The following MAPK8 variants were observed in gnomAD, a reference collection of about 807,000 sequenced individuals.
MAPK8 encodes JUN N-terminal kinase.
MAPK8 carries 13 observed loss-of-function variants against 52.9 expected under a neutral mutation model. That is an observed-to-expected ratio of 0.25 (90% CI 0.16 to 0.39). The LOEUF is 0.39. MAPK8 is among the 10% of genes least tolerant of loss of function. MAPK8 has a pLI of 1.00. For synonymous variants in MAPK8, 191 were observed against 169.8 expected, an observed-to-expected ratio of 1.12 and a Z score of -0.97; for missense variants, 300 against 519.2, an observed-to-expected ratio of 0.58 and a Z score of 4.10.
intron 2 of MAPK8, among the ~76,000 whole-genome samples, chr10:48,404,378 G>A (rs1006261517): frequency 2.6e-5 from 4 of 151,354 alleles, no homozygotes; most frequent in African/African-American, 4.9e-5. Context: ...GGATGGTCTC[G>A]ATCTCCTGAC....
intron 1 of MAPK8, among the ~76,000 whole-genome samples, chr10:48,355,684 AAG>A (rs1846842258): frequency 6.6e-6 from 1 of 152,182 alleles, no homozygotes; most frequent in Non-Finnish European, 1.5e-5. Context: ...GGTTTTCTGT[AAG>A]AGAGAATGGT....
At chr10:48,320,577 C>T (rs536911831) in intron 1 of MAPK8, among the ~76,000 whole-genome samples, 4 of 152,036 alleles carry the variant, frequency 2.6e-5, no homozygotes, top group Non-Finnish European at 4.4e-5. Flanking sequence ...TTTGGTTGTA[C>T]GATATGCCAC....
intron 1 of MAPK8, among the ~76,000 whole-genome samples, chr10:48,385,416 A>G (rs1197911056): frequency 6.6e-6 from 1 of 152,172 alleles, no homozygotes; most frequent in Admixed American, 6.5e-5. Flanking sequence ...TGTTATGTTT[A>G]AATTGCCTTC....
At chr10:48,333,917 C>T (rs1844403138) in intron 1 of MAPK8, among the ~76,000 whole-genome samples, 2 of 150,360 alleles carry the variant, frequency 1.3e-5, no homozygotes, top group Admixed American at 6.6e-5. Flanking sequence ...TGTGCAGGCT[C>T]CAAAGCAGTG....
chr10:48,425,264 T>C (rs1199422309), intron 7 of MAPK8: 4 of 721,548 alleles, frequency 5.5e-6, no homozygotes, highest in Non-Finnish European at 1.0e-5. Flanking sequence ...GTGTAAAGAC[T>C]AGAGGAAAGG....
intron 1 of MAPK8, among the ~76,000 whole-genome samples, chr10:48,397,592 TC>T (rs1160199210): frequency 6.6e-6 from 1 of 152,122 alleles, no homozygotes; most frequent in African/African-American, 2.4e-5. Flanking sequence ...AGTTCAGTAT[TC>T]TTTTTTTCTT....
chr10:48,357,582 G>C (rs1207249182), intron 1 of MAPK8, among the ~76,000 whole-genome samples: 1 of 152,022 alleles, frequency 6.6e-6, no homozygotes, highest in African/African-American at 2.4e-5. Flanking sequence ...TTTTTTAATA[G>C]AGATGGAGTT....
At chr10:48,307,071 C>A (rs536084658) in intron 1 of MAPK8, 4 of 152,226 alleles carry the variant, frequency 2.6e-5, no homozygotes, top group Non-Finnish European at 5.9e-5. Flanking sequence ...CCGCCGCGAG[C>A]CCCGCCCGCC....
intron 1 of MAPK8, among the ~76,000 whole-genome samples, chr10:48,347,294 A>G (rs1251020409): frequency 6.6e-6 from 1 of 152,196 alleles, no homozygotes; most frequent in Non-Finnish European, 1.5e-5. Context: ...GGTTTCAATG[A>G]AAAAAACCTC....
intron 10 of MAPK8, 109 bp from the exon 11 acceptor site, chr10:48,431,084 A>G (rs755693908): frequency 1.0e-5 from 7 of 694,898 alleles, no homozygotes; most frequent in Non-Finnish European, 1.6e-5. Flanking sequence ...TTGTAAGGAC[A>G]CTGTTTGAAG....
intron 1 of MAPK8, among the ~76,000 whole-genome samples, chr10:48,347,527 C>G (rs1381569836): frequency 6.6e-6 from 1 of 152,138 alleles, no homozygotes; most frequent in African/African-American, 2.4e-5. Context: ...AGGTATTTCT[C>G]CTAATGCTAT....
intron 1 of MAPK8, among the ~76,000 whole-genome samples, chr10:48,400,188 C>T (rs1235707005): frequency 1.3e-5 from 2 of 152,200 alleles, no homozygotes; most frequent in Non-Finnish European, 2.9e-5. Flanking sequence ...TATGGGCTGT[C>T]CACTTAAGAA....
intron 4 of MAPK8, 23 bp from the exon 5 acceptor site, chr10:48,410,007 G>T: frequency 6.2e-7 from 1 of 1,604,098 alleles, no homozygotes; most frequent in Non-Finnish European, 8.5e-7. Context: ...CACTTTAGCT[G>T]TTCTCTTTTT....
intron 2 of MAPK8, among the ~76,000 whole-genome samples, chr10:48,404,571 A>G (rs1182242587): frequency 1.3e-5 from 2 of 152,220 alleles, no homozygotes; most frequent in African/African-American, 4.8e-5. Flanking sequence ...TTGAGTGCCC[A>G]CGATGTACTA....
At chr10:48,319,692 A>G (rs1179677925) in intron 1 of MAPK8, among the ~76,000 whole-genome samples, 2 of 152,010 alleles carry the variant, frequency 1.3e-5, no homozygotes, top group Non-Finnish European at 2.9e-5. Flanking sequence ...GGGTTTCACC[A>G]TGTTGGCCAG....
At chr10:48,363,700 T>C (rs1391678341) in intron 1 of MAPK8, among the ~76,000 whole-genome samples, 3 of 152,230 alleles carry the variant, frequency 2.0e-5, no homozygotes, top group Admixed American at 2.0e-4. Flanking sequence ...TTTTTCTCCA[T>C]CCACTAGATG....
chr10:48,354,063 A>G (rs1361305324), intron 1 of MAPK8, among the ~76,000 whole-genome samples: 1 of 152,194 alleles, frequency 6.6e-6, no homozygotes, highest in Non-Finnish European at 1.5e-5. Flanking sequence ...TATTATAGTA[A>G]GATGTAACCA....
chr10:48,372,776 C>T lies in MAPK8; in HGVS notation c.-49-28836C>T, dbSNP rs912043039. Among the ~76,000 whole-genome samples, 8 of 151,900 alleles carry T rather than the reference C, an allele frequency of 5.3e-5. No individual in the cohort carries two copies. In the East Asian group the frequency reaches 7.7e-4, roughly 15 times the overall value. ...TTTGATTGGTGTACCTGAAAGTGAC[C>T]GGGAGAATGGAACCAAGTTGGAAAA... On this transcript the variant is annotated intron_variant, in intron 1 of 11. Coordinates refer to ENST00000374189, the MANE Select transcript of MAPK8 (RefSeq NM_001323329.2).
chr10:48,380,236 C>CT (rs989813470), intron 1 of MAPK8, among the ~76,000 whole-genome samples: 1 of 151,842 alleles, frequency 6.6e-6, no homozygotes, highest in African/African-American at 2.4e-5. Context: ...AGCGAGACTC[C>CT]GTCTCAAAAA....
Sources: gnomAD v4.1 joint callset for allele counts (sites outside exome capture counted in the v4.1 genomes callset) on GRCh38, gnomAD v4.1.1 for gene constraint, MANE v1.5 for transcripts, NCBI Gene and HGNC (gene_info 2026-07-23, HGNC 2026-07-21) for gene names.